STPG1: variants seen among roughly 807,000 people sequenced by gnomAD.
The protein encoded by STPG1 is sperm tail PG-rich repeat containing 1.
STPG1 carries 33 observed loss-of-function variants against 40.1 expected under a neutral mutation model. That is an observed-to-expected ratio of 0.82 (90% confidence interval 0.62 to 1.10). STPG1 has a LOEUF of 1.10. Ranked by LOEUF, STPG1 falls within the 50% of genes least tolerant of loss-of-function variation. STPG1 has a pLI of 0.00. For synonymous variants in STPG1, 150 were observed against 155.0 expected (o/e 0.97, Z 0.24); for missense variants, 396 against 415.1 (o/e 0.95, Z 0.40).
chr1:24,404,259 A>G (rs922604637), intron 1 of STPG1, among the ~76,000 whole-genome samples: 4 of 152,198 alleles, frequency 2.6e-5, no homozygotes, highest in African/African-American at 9.6e-5. Context: ...AAAACAACCT[A>G]GTGTTCCTGG....
chr1:24,410,471 TG>T (rs1643573393), intron 1 of STPG1, among the ~76,000 whole-genome samples: 1 of 152,150 alleles, frequency 6.6e-6, no homozygotes, highest in African/African-American at 2.4e-5. Context: ...TAGCTGGACA[TG>T]GTGGCGTGCA....
Position 24,379,705 on chromosome 1 carries a change from G to T in STPG1, c.410C>A (p.Pro137Gln). 2 of 1,614,136 alleles carry T rather than the reference G, an allele frequency of 1.2e-6. No individual in the cohort carries two copies. Among genetic ancestry groups the T allele is most frequent in the Non-Finnish European group, 8.5e-7 (1 of 1,180,038 alleles). ...SNSCSSMFQL[P>Q]SFMKALKFET... ...AAACTTGAGAGCTTTCATAAAGCTT[G>T]GCAACTGGAACATGCTGGAACACGA... The change falls in exon 5 of 9, where the codon CCA becomes CAA. Residue 137 changes from proline (P) to glutamine (Q), a missense_variant. Transcript: ENST00000337248.
intron 7 of STPG1, 131 bp from the exon 8 acceptor site, chr1:24,361,172 G>A: frequency 2.6e-6 from 2 of 773,196 alleles, no homozygotes; most frequent in Non-Finnish European, 3.9e-6. Flanking sequence ...CTGGGGCAGA[G>A]CCCTAGCTCC....
intron 2 of STPG1, among the ~76,000 whole-genome samples, chr1:24,400,285 A>G (rs1217666529): frequency 6.6e-6 from 1 of 152,252 alleles, no homozygotes; most frequent in East Asian, 1.9e-4. Context: ...TCACATTTAC[A>G]TAACATTCAA....
chr1:24,405,200 T>A (rs6687210), intron 1 of STPG1, among the ~76,000 whole-genome samples: 1 of 152,092 alleles, frequency 6.6e-6, no homozygotes, highest in Non-Finnish European at 1.5e-5. Flanking sequence ...TCAAGTAATC[T>A]GCCCACCTTG....
chr1:24,376,271 T>C (rs1288919736), intron 5 of STPG1, among the ~76,000 whole-genome samples: 1 of 152,226 alleles, frequency 6.6e-6, no homozygotes, highest in African/African-American at 2.4e-5. Flanking sequence ...TCTGTCCACC[T>C]TGGCCTCCCA....
chr1:24,359,509 T>C lies in STPG1; in HGVS notation c.929-890A>G, dbSNP rs533710147. Among the ~76,000 whole-genome samples, 1 of 152,320 alleles carries C rather than the reference T, an allele frequency of 6.6e-6. No homozygotes were observed. Among genetic ancestry groups the C allele is most frequent in the East Asian group, 1.9e-4 (1 of 5,178 alleles). On this transcript the variant is annotated intron_variant, in intron 8 of 8. Coordinates refer to ENST00000337248, the MANE Select transcript of STPG1 (RefSeq NM_001199013.2). The surrounding 1 kb of genome is among the most constrained non-coding windows in gnomAD (Gnocchi z 5.3). ...CCTTGCTGGTGTGATTATCACCACA[T>C]TTGCAAGGCCAAAGCTAGGAGAATG...
Position 24,374,245 on chromosome 1 carries a change from T to G in STPG1, c.463-435A>C, listed in dbSNP as rs1038236129. Among the ~76,000 whole-genome samples, 12 of 72,666 alleles carry G rather than the reference T, an allele frequency of 1.7e-4. No homozygotes were observed. The East Asian group carries it at 2.4e-3, about 14-fold the overall frequency. 47.7% of individuals were successfully genotyped at this position (72,666 alleles called of 152,430 possible). On this transcript the variant is annotated intron_variant, in intron 5 of 8. Transcript: ENST00000337248. ...AGCAGAGATCACCGCTAGGAAAGTGTTTTTTTTTTTTGTTTTTTTTTTTTT... is the reference window on the plus strand; with the variant it reads ...AGCAGAGATCACCGCTAGGAAAGTGGTTTTTTTTTTTGTTTTTTTTTTTTT...
intron 8 of STPG1, among the ~76,000 whole-genome samples, chr1:24,360,501 ACT>A (rs1411143758): frequency 6.6e-6 from 1 of 152,170 alleles, no homozygotes; most frequent in Non-Finnish European, 1.5e-5. Flanking sequence ...CTTTTCTGAC[ACT>A]CTGACAAAAG....
chr1:24,407,879 T>C (rs1013091224), intron 1 of STPG1, among the ~76,000 whole-genome samples: 1 of 152,236 alleles, frequency 6.6e-6, no homozygotes, highest in Non-Finnish European at 1.5e-5. Context: ...ATGTTCAGTT[T>C]CCTTTACATC....
intron 3 of STPG1, among the ~76,000 whole-genome samples, chr1:24,390,694 C>T (rs1642729393): frequency 6.6e-6 from 1 of 152,114 alleles, no homozygotes; most frequent in Non-Finnish European, 1.5e-5. Context: ...GCTGGGATTA[C>T]AGGTGTGAGC....
Position 24,379,789 on chromosome 1 carries a change from G to T in STPG1, c.326C>A (p.Pro109His). 1 of 1,614,120 alleles carries T rather than the reference G, an allele frequency of 6.2e-7. No homozygotes were observed. The highest frequency in any genetic ancestry group is 8.5e-7 in the Non-Finnish European group (1 of 1,179,966). The change falls in exon 5 of 9, where the codon CCT (proline) becomes CAT (histidine). Residue 109 changes from proline to histidine, a missense_variant. Pro to His is a moderately conservative substitution (Grantham distance 77). Coordinates refer to ENST00000337248, the MANE Select transcript of STPG1 (RefSeq NM_001199013.2). ...TGGGATAGTGTATGCATTCGCTGCA[G>T]GGTATTTAGAAATGATGGTGTCCAA... The part of the protein sequence containing the change: ...ARLDTIISKY[P>H]AANAYTIPSD...
In STPG1 at chr1:24,384,113, C is replaced by T. The variant is rs72880659; in HGVS notation, c.190-110G>A. ...CCTTACTGTAATCCCACAGCACAGGCGCTACCACCACTTGGTGGGTGACAG... is the reference window on the plus strand; with the variant it reads ...CCTTACTGTAATCCCACAGCACAGGTGCTACCACCACTTGGTGGGTGACAG... On this transcript the variant is annotated intron_variant, in intron 3 of 8. Coordinates refer to ENST00000337248, the MANE Select transcript of STPG1 (RefSeq NM_001199013.2). The T allele has an allele frequency of 2.0e-3, 1,317 of 670,584 alleles. 16 individuals carry two copies. The African/African-American group carries it at 0.02, about 10-fold the overall frequency. The allele number at this position is 670,584 out of a possible 1,614,324, so 41.5% of individuals were successfully genotyped here.
intron 8 of STPG1, among the ~76,000 whole-genome samples, chr1:24,360,547 A>G (rs1056490052): frequency 3.2e-4 from 49 of 152,250 alleles, no homozygotes; most frequent in African/African-American, 1.2e-3. Flanking sequence ...TAATGTCTAT[A>G]TGTGCCAATT....
chr1:24,410,094 C>T (rs1253972846), intron 1 of STPG1, among the ~76,000 whole-genome samples: 1 of 152,074 alleles, frequency 6.6e-6, no homozygotes, highest in Admixed American at 6.5e-5. Context: ...ATGATAAGTG[C>T]TTAGTTAAGA....
At chr1:24,392,418 A>G (rs1197556902) in intron 2 of STPG1, among the ~76,000 whole-genome samples, 2 of 152,094 alleles carry the variant, frequency 1.3e-5, no homozygotes, top group Non-Finnish European at 2.9e-5. Flanking sequence ...TTGATGTTTG[A>G]TGGCTGATAG....
intron 2 of STPG1, among the ~76,000 whole-genome samples, chr1:24,393,186 C>T (rs1179767539): frequency 3.3e-5 from 5 of 152,184 alleles, no homozygotes; most frequent in Admixed American, 6.5e-5. Flanking sequence ...CTTCCTCTTC[C>T]TGAGCTGGCC....
chr1:24,374,485 TCCTGA>T (rs1301782002), intron 5 of STPG1, among the ~76,000 whole-genome samples: 3 of 151,998 alleles, frequency 2.0e-5, no homozygotes, highest in African/African-American at 2.4e-5. Context: ...GGCCTCGATC[TCCTGA>T]CCTCGTGATC....
chr1:24,369,437 C>T, intron 7 of STPG1: 1 of 655,514 alleles, frequency 1.5e-6, no homozygotes, highest in Non-Finnish European at 2.9e-6. Flanking sequence ...ATTCTTACAA[C>T]AGGATTATAA....
Sources: allele counts gnomAD v4.1 joint callset (sites outside exome capture counted in the v4.1 genomes callset), GRCh38; gene constraint gnomAD v4.1.1; non-coding constraint Gnocchi (gnomAD v3.1); transcripts MANE v1.5; gene names NCBI Gene and HGNC (gene_info 2026-07-23, HGNC 2026-07-21).